The following CNBD1 variants were observed in gnomAD, a reference collection of about 807,000 sequenced individuals.
CNBD1 encodes the protein cyclic nucleotide-binding domain-containing protein 1.
A neutral mutation model predicts 54.4 loss-of-function variants in CNBD1; 71 were observed. The ratio of observed to expected loss-of-function variants is 1.30; its 90% confidence interval spans 1.08 to 1.59. The LOEUF (loss-of-function observed/expected upper bound fraction) is 1.59, where lower values mean the gene tolerates loss of function less well. CNBD1 is among the 40% of genes most tolerant of loss of function. CNBD1 has a pLI of 0.00. For missense variants in CNBD1, 659 were observed against 518.0 expected (o/e 1.27, Z -2.64); for synonymous variants, 182 against 170.7 (o/e 1.07, Z -0.51).
chr8:86,923,331 G>A (rs1013392424), intron 3 of CNBD1, among the ~76,000 whole-genome samples: 7 of 152,292 alleles, frequency 4.6e-5, no homozygotes, highest in East Asian at 3.9e-4. Context: ...GATGGTCCCC[G>A]CTTGGCCCAC....
chr8:87,426,324 C>T (rs563809999), intron 2 of CNBD1, among the ~76,000 whole-genome samples: 71 of 152,294 alleles, frequency 4.7e-4, no homozygotes, highest in South Asian at 3.5e-3. Flanking sequence ...TGTTCCTATT[C>T]GGCCATCTTG....
At chr8:87,350,412 A>G (rs1810262266) in intron 8 of CNBD1, among the ~76,000 whole-genome samples, 1 of 151,954 alleles carries the variant, frequency 6.6e-6, no homozygotes, top group Admixed American at 6.6e-5. Flanking sequence ...TGCCAACAAA[A>G]TTATTGAATC....
chr8:86,878,367 C>A (rs1808556437), intron 1 of CNBD1, among the ~76,000 whole-genome samples: 1 of 152,002 alleles, frequency 6.6e-6, no homozygotes, highest in South Asian at 2.1e-4. Context: ...ATTGAATTTT[C>A]TTGTATGTTA....
intron 2 of CNBD1, among the ~76,000 whole-genome samples, chr8:87,420,757 G>T (rs1210977370): frequency 6.7e-6 from 1 of 148,238 alleles, no homozygotes; most frequent in Non-Finnish European, 1.5e-5. Context: ...GCTATAAATT[G>T]TTTGCTTGAT....
At chr8:87,211,763 C>T (rs1814104462) in intron 5 of CNBD1, among the ~76,000 whole-genome samples, 1 of 152,170 alleles carries the variant, frequency 6.6e-6, no homozygotes, top group Admixed American at 6.5e-5. Context: ...GAGCCATGAG[C>T]CAATTAAACC....
chr8:87,154,635 T>A (rs561515053), intron 4 of CNBD1, among the ~76,000 whole-genome samples: 57 of 152,288 alleles, frequency 3.7e-4, no homozygotes, highest in African/African-American at 1.3e-3. Flanking sequence ...TTAACTTTAT[T>A]TCATATGGTG....
At chr8:87,395,267 G>T (rs900459095) in intron 2 of CNBD1, among the ~76,000 whole-genome samples, 5 of 151,822 alleles carry the variant, frequency 3.3e-5, no homozygotes, top group Non-Finnish European at 5.9e-5. Flanking sequence ...AGGATACATA[G>T]CTTCCTGTAT....
chr8:86,933,193 C>T lies in CNBD1; in HGVS notation c.273-6403C>T, dbSNP rs1809485336. Among the ~76,000 whole-genome samples, 2 of 152,126 alleles carry T rather than the reference C, an allele frequency of 1.3e-5. 1 individual carries two copies. The highest frequency in any genetic ancestry group is 4.1e-4 in the South Asian group (2 of 4,824). On this transcript the variant is annotated intron_variant, in intron 3 of 10. Coordinates refer to ENST00000518476, the MANE Select transcript of CNBD1 (RefSeq NM_173538.3). ...TATAATTTCTGAGGCTCTCCATATC[C>T]TAGCTTCGGGAATAACCTTTTACTC...
chr8:87,385,640 C>G (rs1244391236), downstream of CNBD1, among the ~76,000 whole-genome samples: 3 of 152,138 alleles, frequency 2.0e-5, no homozygotes, highest in East Asian at 3.9e-4. Context: ...TGGGTGGGGC[C>G]CACCGCAGCA....
intron 10 of CNBD1, among the ~76,000 whole-genome samples, chr8:87,365,838 C>T (rs1229824772): frequency 6.6e-6 from 1 of 152,020 alleles, no homozygotes; most frequent in African/African-American, 2.4e-5. Context: ...ATAATTACAA[C>T]TCACAGGAAG....
chr8:87,353,498 G>C (rs969998585), intron 9 of CNBD1, 138 bp from the exon 10 acceptor site: 19 of 570,986 alleles, frequency 3.3e-5, no homozygotes, highest in Non-Finnish European at 5.4e-5. Flanking sequence ...AAATTTTTCT[G>C]TAATTTAAAT....
intron 6 of CNBD1, among the ~76,000 whole-genome samples, chr8:87,244,041 C>G (rs968647581): frequency 1.3e-5 from 2 of 151,996 alleles, no homozygotes; most frequent in Non-Finnish European, 2.9e-5. Context: ...GTTAAACATG[C>G]GCACCCATGA....
intron 8 of CNBD1, among the ~76,000 whole-genome samples, chr8:87,288,735 C>T (rs890229676): frequency 6.6e-6 from 1 of 152,004 alleles, no homozygotes; most frequent in African/African-American, 2.4e-5. Flanking sequence ...TAGCATTGGA[C>T]AATCTGTGAG....
At chr8:87,289,547 C>A (rs1439246019) in intron 8 of CNBD1, among the ~76,000 whole-genome samples, 1 of 152,074 alleles carries the variant, frequency 6.6e-6, no homozygotes, top group African/African-American at 2.4e-5. Context: ...ACTATTTATG[C>A]ATATTTTGTT....
intron 2 of CNBD1, among the ~76,000 whole-genome samples, chr8:87,391,330 C>T (rs1226556196): frequency 6.6e-6 from 1 of 152,020 alleles, no homozygotes; most frequent in Non-Finnish European, 1.5e-5. Context: ...TATCAAAACC[C>T]CAGCTTGATT....
intron 4 of CNBD1, among the ~76,000 whole-genome samples, chr8:87,118,182 G>A (rs1014761225): frequency 1.3e-5 from 2 of 151,850 alleles, no homozygotes; most frequent in Admixed American, 1.3e-4. Context: ...AGGCGTGGTG[G>A]CATGCACCTG....
At chr8:87,183,244 C>T (rs1431866201) in intron 4 of CNBD1, among the ~76,000 whole-genome samples, 1 of 151,996 alleles carries the variant, frequency 6.6e-6, no homozygotes, top group African/African-American at 2.4e-5. Context: ...TTTCTAGTCT[C>T]TTTTGTAGGT....
At chr8:86,896,996 TAA>T (rs1808856648) in intron 2 of CNBD1, among the ~76,000 whole-genome samples, 1 of 152,310 alleles carries the variant, frequency 6.6e-6, no homozygotes, top group Admixed American at 6.5e-5. Context: ...TCAACTACTA[TAA>T]AAGTTTGATA....
Position 87,342,688 on chromosome 8 carries a change from C to T in CNBD1, c.1043-8997C>T, listed in dbSNP as rs186134099. 2.8e-3 allele frequency among the ~76,000 whole-genome samples: 425 copies of T among 152,092 alleles called. 1 individual carries two copies. The highest frequency in any genetic ancestry group is 4.5e-3 in the Admixed American group (69 of 15,262). ...ATATTGGTAGGGCCGTGATGGCGAC[C>T]TCGAGCTACAAAATCAGCAGGTTTT... is the stretch of plus-strand genomic sequence containing the variant. On this transcript the variant is annotated intron_variant, in intron 8 of 10. Coordinates refer to ENST00000518476, the MANE Select transcript of CNBD1 (RefSeq NM_173538.3).
Sources: gnomAD v4.1 joint callset for allele counts (sites outside exome capture counted in the v4.1 genomes callset) on GRCh38, gnomAD v4.1.1 for gene constraint, MANE v1.5 for transcripts, NCBI Gene and HGNC (gene_info 2026-07-23, HGNC 2026-07-21) for gene names.